Variants in PHACTR1 observed in about 807,000 individuals in gnomAD.
PHACTR1 encodes phosphatase and actin regulator 1.
PHACTR1 carries 16 observed loss-of-function variants against 69.2 expected under a neutral mutation model. The ratio of observed to expected loss-of-function variants is 0.23; its 90% CI spans 0.16 to 0.35. The LOEUF is 0.35. Ranked by LOEUF, PHACTR1 falls within the 10% of genes least tolerant of loss-of-function variation. The probability of loss-of-function intolerance (pLI) is 1.00; values close to 1 mark genes in which losing one functional copy is unlikely to be tolerated. For synonymous variants in PHACTR1, 312 were observed against 284.5 expected (o/e 1.10, Z -0.97); for missense variants, 510 against 734.7 (o/e 0.69, Z 3.54).
rs1779063294 is a variant in PHACTR1, at chr6:13,277,014, C to A, written c.1448-1254C>A. On this transcript the variant is annotated intron_variant, in intron 11 of 14. Coordinates refer to ENST00000332995, the MANE Select transcript of PHACTR1 (RefSeq NM_030948.6). Reference sequence around the variant, plus strand: ...ACTAACGCCATTTGAAATTTAACGGCTGAGAATCACAGGCCTTCTTTGATA... The same window carrying A: ...ACTAACGCCATTTGAAATTTAACGGATGAGAATCACAGGCCTTCTTTGATA... 2.6e-5 allele frequency among the ~76,000 whole-genome samples: 4 copies of A among 152,302 alleles called. No homozygotes were observed. The South Asian group carries it at 8.3e-4, about 32-fold the overall frequency.
At chr6:12,954,381 G>C (rs951768280) in intron 4 of PHACTR1, among the ~76,000 whole-genome samples, 12 of 151,556 alleles carry the variant, frequency 7.9e-5, no homozygotes, top group Admixed American at 6.6e-4. Context: ...TGCTCACACT[G>C]AAGGCAGGGT....
At chr6:12,925,509 T>C (rs1230861912) in intron 4 of PHACTR1, among the ~76,000 whole-genome samples, 2 of 152,224 alleles carry the variant, frequency 1.3e-5, no homozygotes, top group African/African-American at 4.8e-5. Context: ...ATAGCAATTG[T>C]GAAGATTATA....
intron 4 of PHACTR1, among the ~76,000 whole-genome samples, chr6:12,855,171 G>A (rs1196262576): frequency 4.6e-5 from 7 of 152,156 alleles, no homozygotes; most frequent in East Asian, 3.9e-4. Context: ...TAAAGAAAAT[G>A]TGGTATACAT....
At chr6:13,144,966 C>T (rs1183911212) in intron 5 of PHACTR1, among the ~76,000 whole-genome samples, 2 of 152,040 alleles carry the variant, frequency 1.3e-5, no homozygotes, top group African/African-American at 4.8e-5. Flanking sequence ...GCCTAGATTT[C>T]AATTCAAACA....
At chr6:13,117,541 C>G (rs1817993020) in intron 5 of PHACTR1, among the ~76,000 whole-genome samples, 1 of 152,154 alleles carries the variant, frequency 6.6e-6, no homozygotes, top group Admixed American at 6.5e-5. Flanking sequence ...TTCAACCAAA[C>G]AAGTTTTTAT....
intron 8 of PHACTR1, among the ~76,000 whole-genome samples, chr6:13,219,762 T>G (rs549332764): frequency 6.6e-6 from 1 of 152,340 alleles, no homozygotes; most frequent in South Asian, 2.1e-4. Flanking sequence ...TGTGAACATC[T>G]GTTATCCTTG....
chr6:12,941,548 G>A (rs986498300), intron 4 of PHACTR1, among the ~76,000 whole-genome samples: 2 of 152,076 alleles, frequency 1.3e-5, no homozygotes, highest in Admixed American at 6.6e-5. Context: ...GTTCGTGACC[G>A]GATGTCACTA....
At chr6:12,886,611 A>G (rs955500688) in intron 4 of PHACTR1, among the ~76,000 whole-genome samples, 1 of 152,192 alleles carries the variant, frequency 6.6e-6, no homozygotes, top group Non-Finnish European at 1.5e-5. Flanking sequence ...CACATCTGCT[A>G]TTCCCACATC....
At chr6:12,860,468 C>T (rs6924353) in intron 4 of PHACTR1, among the ~76,000 whole-genome samples, 8,524 of 152,068 alleles carry the variant, frequency 0.056, 311 homozygotes, top group Middle Eastern at 0.095. Context: ...CATGTGCATG[C>T]GTCTTTATAG....
At chr6:13,258,232 C>G (rs561541710) in intron 10 of PHACTR1, among the ~76,000 whole-genome samples, 1 of 151,950 alleles carries the variant, frequency 6.6e-6, no homozygotes, top group South Asian at 2.1e-4. Context: ...GTGGCGCGTG[C>G]CTGTAATTCC....
intron 10 of PHACTR1, among the ~76,000 whole-genome samples, chr6:13,242,611 A>G (rs1174461204): frequency 1.3e-5 from 2 of 152,236 alleles, no homozygotes; most frequent in Non-Finnish European, 1.5e-5. Flanking sequence ...ACCTAAGGCT[A>G]AGTTTAGTAA....
chr6:13,035,154 A>G (rs1583061965), intron 4 of PHACTR1, among the ~76,000 whole-genome samples: 1 of 152,354 alleles, frequency 6.6e-6, no homozygotes, highest in East Asian at 1.9e-4. Context: ...AAATTATTTT[A>G]TATTCCCTAG....
chr6:13,061,650 A>G (rs1417561801), intron 5 of PHACTR1, among the ~76,000 whole-genome samples: 1 of 152,218 alleles, frequency 6.6e-6, no homozygotes, highest in Admixed American at 6.5e-5. Context: ...AACACGGTAA[A>G]TGATCCTACT....
chr6:13,189,695 C>T (rs549156595), intron 7 of PHACTR1, among the ~76,000 whole-genome samples: 1 of 152,226 alleles, frequency 6.6e-6, no homozygotes, highest in Non-Finnish European at 1.5e-5. Context: ...CCACCTTGCC[C>T]GGCCTATTCC....
At chr6:12,767,995 A>C (rs1768862015) in intron 4 of PHACTR1, among the ~76,000 whole-genome samples, 1 of 151,814 alleles carries the variant, frequency 6.6e-6, no homozygotes, top group Non-Finnish European at 1.5e-5. Flanking sequence ...GCGCATTAGG[A>C]TAATTAGGTT....
In PHACTR1 at chr6:13,249,797, C is replaced by CAAA. The variant is rs5874406; in HGVS notation, c.1391+19623_1391+19625dup. Among the ~76,000 whole-genome samples, 400 of 79,828 alleles carry CAAA rather than the reference C, an allele frequency of 5.0e-3. 2 individuals are homozygous for CAAA. The highest frequency in any genetic ancestry group is 9.1e-3 in the Non-Finnish European group (319 of 35,126). 52.4% of individuals were successfully genotyped at this position (79,828 alleles called of 152,430 possible). ...CTGGGCAACAGAGAAAACTCCGTCT[C>CAAA]AAAAAAAAAAAAAAAAAAAAAGTAT... On this transcript the variant is annotated intron_variant, in intron 10 of 14. Coordinates refer to ENST00000332995, the MANE Select transcript of PHACTR1 (RefSeq NM_030948.6).
chr6:12,985,114 GAATAT>G (rs1795977763), intron 4 of PHACTR1, among the ~76,000 whole-genome samples: 1 of 152,132 alleles, frequency 6.6e-6, no homozygotes, highest in African/African-American at 2.4e-5. Flanking sequence ...TTTATTAATA[GAATAT>G]GAGGTTCATA....
intron 5 of PHACTR1, among the ~76,000 whole-genome samples, chr6:13,087,202 A>AATATAT (rs71727736): frequency 6.8e-6 from 1 of 147,484 alleles, no homozygotes; most frequent in African/African-American, 2.5e-5. Flanking sequence ...TTAGATATCT[A>AATATAT]ATATATATAT....
In PHACTR1 at chr6:13,019,092, T is replaced by G. The variant is rs574840978; in HGVS notation, c.251-34273T>G. On this transcript the variant is annotated intron_variant, in intron 4 of 14. Transcript: ENST00000332995. ...TATATATATTTTTTCTTTTTCTTTT[T>G]GTAGAGACAGGATTTCCCCCACATT... 1.6e-3 allele frequency among the ~76,000 whole-genome samples: 241 copies of G among 151,234 alleles called. 1 individual carries two copies. The highest frequency in any genetic ancestry group is 3.5e-3 in the Middle Eastern group (1 of 286).
Sources: allele counts gnomAD v4.1 joint callset (sites outside exome capture counted in the v4.1 genomes callset), GRCh38; gene constraint gnomAD v4.1.1; transcripts MANE v1.5; gene names NCBI Gene and HGNC (gene_info 2026-07-23, HGNC 2026-07-21).